Variants in CELF4 observed in about 807,000 individuals in gnomAD.
The protein encoded by CELF4 is CUG-BP- and ETR-3-like factor 4.
CELF4 carries 18 observed loss-of-function variants against 59.9 expected under a neutral mutation model. That is an observed-to-expected ratio of 0.30 (90% CI 0.21 to 0.45). The LOEUF (loss-of-function observed/expected upper bound fraction) is 0.45, where lower values mean the gene tolerates loss of function less well. Among genes scored for constraint, CELF4 ranks in the 20% least tolerant of loss-of-function variants. The pLI, the probability that CELF4 is intolerant of heterozygous loss-of-function variation, is 1.00. For synonymous variants in CELF4, 261 were observed against 267.1 expected, an observed-to-expected ratio of 0.98 and a Z score of 0.22; for missense variants, 456 against 689.0, an observed-to-expected ratio of 0.66 and a Z score of 3.79.
intron 2 of CELF4, among the ~76,000 whole-genome samples, chr18:37,429,841 C>T (rs745852991): frequency 2.1e-4 from 32 of 152,192 alleles, no homozygotes; most frequent in African/African-American, 2.9e-4. Flanking sequence ...CTGATCCCTA[C>T]GGAAGACCCC....
At chr18:37,260,777 C>T (rs1463336349) in intron 10 of CELF4, among the ~76,000 whole-genome samples, 1 of 152,208 alleles carries the variant, frequency 6.6e-6, no homozygotes, top group Non-Finnish European at 1.5e-5. Flanking sequence ...CCTAAAGCTG[C>T]CCAAGGAGCC....
At chr18:37,379,507 CAAAAAAAA>C (rs56250210) in intron 2 of CELF4, among the ~76,000 whole-genome samples, 1 of 45,708 alleles carries the variant, frequency 2.2e-5, no homozygotes, top group African/African-American at 9.5e-5. Context: ...AGGCCATAAG[CAAAAAAAA>C]AAAAAAAAAA....
intron 10 of CELF4, among the ~76,000 whole-genome samples, chr18:37,261,285 C>A (rs892089851): frequency 6.6e-6 from 1 of 151,650 alleles, no homozygotes; most frequent in Admixed American, 6.6e-5. Flanking sequence ...TCTTCCAGGC[C>A]CTGACTGCTC....
intron 3 of CELF4, among the ~76,000 whole-genome samples, chr18:37,291,241 G>A (rs545000798): frequency 6.6e-6 from 1 of 152,124 alleles, no homozygotes. Context: ...CGGCATTTCT[G>A]GTGATGTGAG....
chr18:37,530,544 T>C, intron 1 of CELF4, among the ~76,000 whole-genome samples: 1 of 151,782 alleles, frequency 6.6e-6, no homozygotes, highest in Admixed American at 6.6e-5. Flanking sequence ...CCACTCCCCC[T>C]ACCCCCTGCC....
At chr18:37,347,914 TTTC>T (rs2098323573) in intron 2 of CELF4, among the ~76,000 whole-genome samples, 2 of 152,106 alleles carry the variant, frequency 1.3e-5, no homozygotes, top group East Asian at 1.9e-4. Context: ...TCCCCTTTAT[TTTC>T]TTCTTCGAGA....
intron 2 of CELF4, among the ~76,000 whole-genome samples, chr18:37,337,908 T>A (rs553262245): frequency 2.3e-3 from 345 of 152,362 alleles, no homozygotes; most frequent in Non-Finnish European, 3.8e-3. Flanking sequence ...TGCCTGTCTG[T>A]GTTTAACCTG....
rs2061231362 is a variant in CELF4 at position 37,244,124 on chromosome 18, G to A, written c.*1118C>T. ...TCCTACAACATCTGGGATTTTAGCA[G>A]TAATGCTAACTTCTATAGGTTTTTT... On this transcript the variant is annotated 3_prime_UTR_variant, in exon 13 of 13. Coordinates refer to ENST00000420428, the MANE Select transcript of CELF4 (RefSeq NM_020180.4). 1 of 153,068 alleles carries A rather than the reference G, an allele frequency of 6.5e-6. No homozygotes were observed. The highest frequency in any genetic ancestry group is 2.1e-4 in the South Asian group (1 of 4,804). 9.5% of individuals were successfully genotyped at this position (153,068 alleles called of 1,614,324 possible).
chr18:37,275,038 G>A (rs2092823804), intron 4 of CELF4, 77 bp downstream of exon 4: 1 of 1,564,310 alleles, frequency 6.4e-7, no homozygotes, highest in African/African-American at 1.4e-5. Context: ...TGGCCCCGGA[G>A]ACTCAGAGGA....
intron 2 of CELF4, among the ~76,000 whole-genome samples, chr18:37,485,065 A>G (rs2099877879): frequency 6.6e-6 from 1 of 152,184 alleles, no homozygotes; most frequent in Non-Finnish European, 1.5e-5. Context: ...CACAGAAGCT[A>G]TAAACCAGGG....
intron 2 of CELF4, among the ~76,000 whole-genome samples, chr18:37,335,022 C>G (rs1346080349): frequency 1.3e-5 from 2 of 149,400 alleles, no homozygotes; most frequent in Non-Finnish European, 3.0e-5. Context: ...CCCTCTGCTC[C>G]CCCCTCTCTC....
At chr18:37,336,767 G>A (rs375257007) in intron 2 of CELF4, among the ~76,000 whole-genome samples, 8 of 152,358 alleles carry the variant, frequency 5.3e-5, no homozygotes, top group African/African-American at 1.4e-4. Flanking sequence ...GGCCGATGAC[G>A]GTGGATGCGG....
At chr18:37,555,565 G>A (rs1294828050) in intron 1 of CELF4, among the ~76,000 whole-genome samples, 2 of 152,028 alleles carry the variant, frequency 1.3e-5, no homozygotes, top group Admixed American at 1.3e-4. Flanking sequence ...CATAATTTCC[G>A]GCTATTGCTG....
At chr18:37,325,482 C>A (rs141350333) in intron 2 of CELF4, among the ~76,000 whole-genome samples, 1 of 152,200 alleles carries the variant, frequency 6.6e-6, no homozygotes, top group Non-Finnish European at 1.5e-5. Context: ...CTAGATGCCA[C>A]CCCAGTTGCA....
chr18:37,499,140 C>T (rs887276814), intron 1 of CELF4, among the ~76,000 whole-genome samples: 2 of 151,486 alleles, frequency 1.3e-5, no homozygotes, highest in Non-Finnish European at 2.9e-5. Flanking sequence ...ACTTCCTGTA[C>T]AGCACAGGCC....
intron 2 of CELF4, among the ~76,000 whole-genome samples, chr18:37,410,754 C>T (rs1048584194): frequency 3.0e-4 from 45 of 152,322 alleles, no homozygotes; most frequent in African/African-American, 1.0e-3. Flanking sequence ...CCCCCGTCAC[C>T]GCAGATGCAA....
chr18:37,320,025 CCTT>C (rs2097040948), intron 3 of CELF4, among the ~76,000 whole-genome samples: 1 of 152,194 alleles, frequency 6.6e-6, no homozygotes, highest in Non-Finnish European at 1.5e-5. Flanking sequence ...CCTAATGTCA[CCTT>C]CTCAGGGCAA....
Position 37,243,837 on chromosome 18 carries a change from G to A in CELF4, c.*1405C>T. 5.8e-6 allele frequency: 1 copy of A among 171,402 alleles called. No individual in the cohort carries two copies. Among genetic ancestry groups the A allele is most frequent in the Non-Finnish European group, 1.3e-5 (1 of 79,790 alleles). 10.6% of individuals were successfully genotyped at this position (171,402 alleles called of 1,614,324 possible). A position where few individuals can be genotyped will look rare whatever the true frequency, so the allele number is the denominator to read the frequency against. On this transcript the variant is annotated 3_prime_UTR_variant, in exon 13 of 13. Coordinates refer to ENST00000420428, the MANE Select transcript of CELF4 (RefSeq NM_020180.4). Reference sequence around the variant, plus strand: ...TGCCCGGAAAGTCTCTGGAGCAAGCGTGGAAGGCGAGTGAAGCGGAAGGTG... The same window carrying A: ...TGCCCGGAAAGTCTCTGGAGCAAGCATGGAAGGCGAGTGAAGCGGAAGGTG...
chr18:37,308,673 G>C (rs1311737685), intron 3 of CELF4, among the ~76,000 whole-genome samples: 1 of 152,192 alleles, frequency 6.6e-6, no homozygotes, highest in Non-Finnish European at 1.5e-5. Flanking sequence ...TTTGCAACTG[G>C]CCATTTATGT....
Sources: allele counts gnomAD v4.1 joint callset (sites outside exome capture counted in the v4.1 genomes callset), GRCh38; gene constraint gnomAD v4.1.1; transcripts MANE v1.5; gene names NCBI Gene and HGNC (gene_info 2026-07-23, HGNC 2026-07-21).